Variants in SLAMF7 observed in about 807,000 individuals in gnomAD.
The protein encoded by SLAMF7 is 19A24 protein.
In SLAMF7, 26 loss-of-function variants were observed where a neutral mutation model predicts 34.1. The observed-to-expected ratio is 0.76, with a 90% CI of 0.56 to 1.06. The LOEUF is 1.06. Ranked by LOEUF, SLAMF7 falls within the 50% of genes least tolerant of loss-of-function variation. SLAMF7 has a pLI of 0.00. For synonymous variants in SLAMF7, 171 were observed against 156.4 expected, an observed-to-expected ratio of 1.09 and a Z score of -0.70; for missense variants, 399 against 402.5, an observed-to-expected ratio of 0.99 and a Z score of 0.07.
rs1298633197 is a variant in SLAMF7, at chr1:160,750,045, G to A, written c.601G>A (p.Val201Ile). ...CTTCATCTGCGTTGCCAGGAACCCT[G>A]TCAGCAGAAACTTCTCAAGCCCCAT... is the stretch of plus-strand genomic sequence containing the variant. ...MTFICVARNP[V>I]SRNFSSPILA... The change falls in exon 3 of 7, where the codon GTC becomes ATC. Residue 201 changes from valine to isoleucine, a missense_variant. Transcript: ENST00000368043. 6.2e-7 allele frequency: 1 copy of A among 1,614,018 alleles called. No individual in the cohort carries two copies. The highest frequency in any genetic ancestry group is 1.3e-5 in the African/African-American group (1 of 74,940).
chr1:160,739,479 G>A, intron 1 of SLAMF7, 123 bp downstream of exon 1: 1 of 792,724 alleles, frequency 1.3e-6, no homozygotes, highest in South Asian at 1.7e-5. Context: ...TCTAACATTT[G>A]CTTTTTATCA....
At chr1:160,739,202 T>A, upstream of SLAMF7, 1 of 1,024,160 alleles carries the variant, frequency 9.8e-7, no homozygotes. Flanking sequence ...GTCTGCGGCG[T>A]GACCCCTCCT....
rs761942447 is a variant in SLAMF7, at chr1:160,749,915, A to T, written c.471A>T (p.Glu157Asp). The stretch of plus-strand genomic sequence containing the variant: ...TGACATGCTGCATGGAACATGGGGA[A>T]GAGGATGTGATTTATACCTGGAAGG... ...TNLTCCMEHG[E>D]EDVIYTWKAL... Residue 157 changes from glutamate (E) to aspartate (D), a missense_variant, in exon 3 of 7, where the codon GAA becomes GAT. Coordinates refer to ENST00000368043, the MANE Select transcript of SLAMF7 (RefSeq NM_021181.5). 2 of 1,614,130 alleles carry T rather than the reference A, an allele frequency of 1.2e-6. No individual in the cohort carries two copies. The highest frequency in any genetic ancestry group is 2.2e-5 in the South Asian group (2 of 91,086).
rs1664271454 is a variant in SLAMF7 at position 160,748,052 on chromosome 1, T to C, written c.56-142T>C. On this transcript the variant is annotated intron_variant, in intron 1 of 6. Transcript: ENST00000368043. ...TAGGGTAACATGTGAGGGACCTCTATATGAGGTTCCAAAGGCTTTTCCAGG... is the reference window on the plus strand; with the variant it reads ...TAGGGTAACATGTGAGGGACCTCTACATGAGGTTCCAAAGGCTTTTCCAGG... The C allele has an allele frequency of 4.2e-6, 3 of 708,426 alleles. No individual in the cohort carries two copies. In the East Asian group the frequency reaches 8.1e-5, roughly 19 times the overall value. 43.9% of individuals were successfully genotyped at this position (708,426 alleles called of 1,614,324 possible).
intron 6 of SLAMF7, among the ~76,000 whole-genome samples, 167 bp from the exon 7 acceptor site, chr1:160,752,939 G>C (rs1664749906): frequency 6.6e-6 from 1 of 152,198 alleles, no homozygotes. Flanking sequence ...TTACAGAATA[G>C]TTTCTCTAAG....
Position 160,753,051 on chromosome 1 carries a change from C to T in SLAMF7, c.937-55C>T, listed in dbSNP as rs371794948. 3.7e-4 allele frequency: 567 copies of T among 1,537,260 alleles called. 2 individuals carry two copies. Among genetic ancestry groups the T allele is most frequent in the African/African-American group, 1.1e-3 (78 of 73,452 alleles). ...TCCTGGATGTCAGGGTCTCCATGGACGATCCAGAGCCCTGCTCACCTCCCT... is the reference window on the plus strand; with the variant it reads ...TCCTGGATGTCAGGGTCTCCATGGATGATCCAGAGCCCTGCTCACCTCCCT... On this transcript the variant is annotated intron_variant, in intron 6 of 6. Transcript: ENST00000368043.
chr1:160,742,560 G>A (rs1663831483), intron 1 of SLAMF7, among the ~76,000 whole-genome samples: 1 of 152,112 alleles, frequency 6.6e-6, no homozygotes, highest in African/African-American at 2.4e-5. Context: ...CTTCTCGTTA[G>A]GCTACTCTGT....
intron 1 of SLAMF7, among the ~76,000 whole-genome samples, chr1:160,746,405 G>C (rs1664136299): frequency 6.6e-6 from 1 of 152,172 alleles, no homozygotes; most frequent in Non-Finnish European, 1.5e-5. Flanking sequence ...TGGCTGTTTT[G>C]TTGGCTTTGC....
chr1:160,749,780 A>G, intron 2 of SLAMF7, 41 bp from the exon 3 acceptor site: 4 of 1,513,042 alleles, frequency 2.6e-6, no homozygotes, highest in African/African-American at 1.4e-5. Context: ...ATGGAGAGCT[A>G]TAGGCAGAGT....
In SLAMF7 at chr1:160,752,226, C is replaced by T. The variant is rs767632168; in HGVS notation, c.914C>T (p.Ser305Phe). 2 of 1,613,070 alleles carry T rather than the reference C, an allele frequency of 1.2e-6. No individual in the cohort carries two copies. The highest frequency in any genetic ancestry group is 1.7e-5 in the Admixed American group (1 of 59,960). ...LKEDPANTVY[S>F]TVEIPKKMEN... ...GAAGATCCAGCAAATACGGTTTACT[C>T]CACTGTGGAAATACCGAAAAAGGTA... The change falls in exon 6 of 7, where the codon TCC (serine) becomes TTC (phenylalanine). Residue 305 changes from serine (S) to phenylalanine (F), a missense_variant. Coordinates refer to ENST00000368043, the MANE Select transcript of SLAMF7 (RefSeq NM_021181.5).
At chr1:160,741,865 T>C (rs1434679554) in intron 1 of SLAMF7, among the ~76,000 whole-genome samples, 1 of 152,150 alleles carries the variant, frequency 6.6e-6, no homozygotes, top group African/African-American at 2.4e-5. Flanking sequence ...ATATCAGCCT[T>C]CTTATCTGTG....
chr1:160,748,442 A>T lies in SLAMF7; in HGVS notation c.304A>T (p.Ile102Phe), dbSNP rs775037141. The T allele has an allele frequency of 2.5e-6, 4 of 1,614,094 alleles. No individual in the cohort carries two copies. The Admixed American group carries it at 5.0e-5, about 20-fold the overall frequency. ...LSKLKKNDSG[I>F]YYVGIYSSSL... ...CAAACTGAAGAAGAATGACTCAGGGATCTACTATGTGGGGATATACAGCTC... is the reference window on the plus strand; with the variant it reads ...CAAACTGAAGAAGAATGACTCAGGGTTCTACTATGTGGGGATATACAGCTC... Residue 102 changes from isoleucine to phenylalanine, a missense_variant, in exon 2 of 7, where the codon ATC becomes TTC. Physicochemically the swap from Ile to Phe is conservative, Grantham distance 21. Transcript: ENST00000368043.
chr1:160,744,175 A>G (rs1057480856), intron 1 of SLAMF7, among the ~76,000 whole-genome samples: 2 of 152,352 alleles, frequency 1.3e-5, no homozygotes, highest in African/African-American at 4.8e-5. Flanking sequence ...AGATATGGTA[A>G]AACTCTATAG....
At chr1:160,752,707 T>C (rs750229582) in intron 6 of SLAMF7, among the ~76,000 whole-genome samples, 5 of 152,208 alleles carry the variant, frequency 3.3e-5, no homozygotes, top group Admixed American at 6.5e-5. Flanking sequence ...GTTAAACTAC[T>C]AATGCAGTAG....
intron 1 of SLAMF7, among the ~76,000 whole-genome samples, chr1:160,745,910 C>A (rs1664090870): frequency 6.6e-6 from 1 of 152,172 alleles, no homozygotes; most frequent in Non-Finnish European, 1.5e-5. Flanking sequence ...GAAACCCTTG[C>A]CAAGATATTT....
intron 1 of SLAMF7, among the ~76,000 whole-genome samples, chr1:160,743,408 G>C (rs572844768): frequency 1.7e-4 from 26 of 152,194 alleles, no homozygotes; most frequent in Non-Finnish European, 3.5e-4. Flanking sequence ...GTGAGTGGCA[G>C]TCCCAGCTGC....
intron 2 of SLAMF7, among the ~76,000 whole-genome samples, chr1:160,749,032 TTAAA>T (rs1434039446): frequency 2.0e-5 from 3 of 152,136 alleles, no homozygotes. Flanking sequence ...TCCAGGGAAG[TTAAA>T]ATTATGAAAC....
intron 6 of SLAMF7, 59 bp from the exon 7 acceptor site, chr1:160,753,047 T>A: frequency 6.6e-7 from 1 of 1,521,726 alleles, no homozygotes. Context: ...AGGGTCTCCA[T>A]GGACGATCCA....
intron 1 of SLAMF7, among the ~76,000 whole-genome samples, chr1:160,741,045 C>A (rs977206054): frequency 1.3e-5 from 2 of 152,296 alleles, no homozygotes; most frequent in East Asian, 3.9e-4. Flanking sequence ...GGGGTTTCTT[C>A]CCTCTCCAGG....
Sources: allele counts gnomAD v4.1 joint callset (sites outside exome capture counted in the v4.1 genomes callset), GRCh38; gene constraint gnomAD v4.1.1; transcripts MANE v1.5; gene names NCBI Gene and HGNC (gene_info 2026-07-23, HGNC 2026-07-21).